SPTBN1: variants seen among roughly 807,000 people sequenced by gnomAD.
SPTBN1 encodes the protein spectrin beta chain, non-erythrocytic 1.
SPTBN1 carries 32 observed loss-of-function variants against 266.4 expected under a neutral mutation model. The ratio of observed to expected loss-of-function variants is 0.12; its 90% CI spans 0.09 to 0.16. The LOEUF is 0.16. Ranked by LOEUF, SPTBN1 falls within the 10% of genes least tolerant of loss-of-function variation. The probability of loss-of-function intolerance (pLI) is 1.00; values close to 1 mark genes in which losing one functional copy is unlikely to be tolerated. For synonymous variants in SPTBN1, 1,336 were observed against 1,162.2 expected, an observed-to-expected ratio of 1.15 and a Z score of -3.04; for missense variants, 2,296 against 3,067.1, an observed-to-expected ratio of 0.75 and a Z score of 5.94.
intron 2 of SPTBN1, among the ~76,000 whole-genome samples, chr2:54,596,742 A>G (rs1454316874): frequency 1.3e-5 from 2 of 152,160 alleles, no homozygotes; most frequent in Non-Finnish European, 2.9e-5. Context: ...TCTAAGAACC[A>G]TGATAGCCCT....
intron 2 of SPTBN1, among the ~76,000 whole-genome samples, chr2:54,562,696 TTGTGTGTGTGTGTG>T (rs55947327): frequency 8.2e-5 from 10 of 122,596 alleles, no homozygotes; most frequent in African/African-American, 2.5e-4. Context: ...AAACCCTGCT[TTGTGTGTGTGTGTG>T]TGTGTGTGTG....
At position 54,670,928 on chromosome 2, in the gene SPTBN1, C is replaced by T. The variant is rs972048048; in HGVS notation, c.*2359C>T. ...CCGCACAGCCTGATGAGCTTCAAGC[C>T]TGGCAGGGTAAATAGTTTTTGGGTT... On this transcript the variant is annotated 3_prime_UTR_variant, in exon 36 of 36. Coordinates refer to ENST00000356805, the MANE Select transcript of SPTBN1 (RefSeq NM_003128.3). 2.0e-5 allele frequency: 8 copies of T among 397,728 alleles called. No homozygotes were observed. The East Asian group carries it at 2.1e-4, about 11-fold the overall frequency. The allele number at this position is 397,728 out of a possible 1,614,324, so 24.6% of individuals were successfully genotyped here.
chr2:54,491,136 A>G (rs1668663860), intron 1 of SPTBN1, among the ~76,000 whole-genome samples: 1 of 152,210 alleles, frequency 6.6e-6, no homozygotes. Flanking sequence ...AGAAACTCTA[A>G]GGGACCTTAC....
intron 1 of SPTBN1, among the ~76,000 whole-genome samples, chr2:54,496,771 A>T (rs1300245501): frequency 1.3e-5 from 2 of 152,238 alleles, no homozygotes; most frequent in African/African-American, 4.8e-5. Flanking sequence ...TGATTAAGGT[A>T]GAAGGAAACA....
intron 2 of SPTBN1, among the ~76,000 whole-genome samples, chr2:54,557,240 G>C (rs1672935545): frequency 6.6e-6 from 1 of 152,188 alleles, no homozygotes; most frequent in Admixed American, 6.5e-5. Context: ...CCTGGGGACT[G>C]AGGTGAACCT....
intron 10 of SPTBN1, among the ~76,000 whole-genome samples, chr2:54,623,886 A>G (rs1010842904): frequency 6.6e-6 from 1 of 152,240 alleles, no homozygotes; most frequent in Non-Finnish European, 1.5e-5. Flanking sequence ...ATCTGAGGCA[A>G]TTGTTTCAAA....
At chr2:54,667,912 T>C (rs534393484) in intron 35 of SPTBN1, among the ~76,000 whole-genome samples, 2 of 152,132 alleles carry the variant, frequency 1.3e-5, no homozygotes. Context: ...CATAGTGAGG[T>C]GGTCCCAGGA....
intron 17 of SPTBN1, among the ~76,000 whole-genome samples, chr2:54,635,849 T>C (rs184193987): frequency 7.1e-4 from 108 of 152,374 alleles, no homozygotes; most frequent in African/African-American, 2.5e-3. Flanking sequence ...AGAACTGGAA[T>C]TTGAGGGAAG....
intron 1 of SPTBN1, among the ~76,000 whole-genome samples, chr2:54,498,978 A>T (rs1054667720): frequency 6.7e-6 from 1 of 148,524 alleles, no homozygotes; most frequent in Non-Finnish European, 1.5e-5. Flanking sequence ...GAAACCCAGG[A>T]GACTTTGCAT....
At chr2:54,486,248 G>T (rs906363050) in intron 1 of SPTBN1, among the ~76,000 whole-genome samples, 13 of 152,178 alleles carry the variant, frequency 8.5e-5, no homozygotes, top group East Asian at 1.9e-4. Context: ...GAACGGGCCA[G>T]GATGACAATG....
At chr2:54,490,208 A>T (rs1384650939) in intron 1 of SPTBN1, among the ~76,000 whole-genome samples, 1 of 150,980 alleles carries the variant, frequency 6.6e-6, no homozygotes. Flanking sequence ...AGTAGCTGGG[A>T]TTACAGCTGC....
At chr2:54,616,338 A>C in intron 5 of SPTBN1, 40 bp downstream of exon 5, 1 of 1,568,834 alleles carries the variant, frequency 6.4e-7, no homozygotes. Context: ...TGCTTCTTCC[A>C]GGACTGAATT....
chr2:54,531,685 C>T (rs1359499723), intron 2 of SPTBN1, among the ~76,000 whole-genome samples: 2 of 151,872 alleles, frequency 1.3e-5, no homozygotes, highest in Admixed American at 6.6e-5. Context: ...AATGAATCGG[C>T]CAGCAATCAG....
Position 54,649,683 on chromosome 2 carries a change from G to A in SPTBN1, c.5271G>A (p.Thr1757=), listed in dbSNP as rs34367340. 313 of 1,613,944 alleles carry A rather than the reference G, an allele frequency of 1.9e-4. No individual in the cohort carries two copies. Among genetic ancestry groups the A allele is most frequent in the Admixed American group, 8.8e-4 (53 of 59,988 alleles). Reference sequence around the variant, plus strand: ...ACATTGGGCAGGAGCGCGTGGACACGGTCAATCACCTGGCAGATGAGCTCA... The same window carrying A: ...ACATTGGGCAGGAGCGCGTGGACACAGTCAATCACCTGGCAGATGAGCTCA... The part of the protein sequence containing the change: ...TGNIGQERVD[T]VNHLADELIN... Residue 1757 remains threonine (T), a synonymous_variant, in exon 26 of 36, where the codon ACG becomes ACA. Transcript: ENST00000356805. The surrounding 1 kb of genome is among the most constrained non-coding windows in gnomAD (Gnocchi z 6.7).
At chr2:54,593,080 T>G (rs1386402300) in intron 2 of SPTBN1, among the ~76,000 whole-genome samples, 1 of 152,180 alleles carries the variant, frequency 6.6e-6, no homozygotes, top group Non-Finnish European at 1.5e-5. Context: ...CCCTTATAAT[T>G]TACTCCTTCT....
At chr2:54,567,198 C>T (rs573844078) in intron 2 of SPTBN1, among the ~76,000 whole-genome samples, 1 of 152,084 alleles carries the variant, frequency 6.6e-6, no homozygotes, top group South Asian at 2.1e-4. Context: ...TGTGCAGGTT[C>T]AGGGTTACTG....
At chr2:54,460,284 G>A (rs1693292130) in intron 1 of SPTBN1, among the ~76,000 whole-genome samples, 1 of 152,180 alleles carries the variant, frequency 6.6e-6, no homozygotes, top group Non-Finnish European at 1.5e-5. Flanking sequence ...TTTTGCTGAA[G>A]TATCAGCACA....
At chr2:54,503,571 C>G (rs925871120) in intron 1 of SPTBN1, among the ~76,000 whole-genome samples, 2 of 152,172 alleles carry the variant, frequency 1.3e-5, no homozygotes, top group South Asian at 4.1e-4. Flanking sequence ...AGCATGAAAG[C>G]GACCATCCTT....
chr2:54,512,285 C>G (rs1669897763), intron 1 of SPTBN1, among the ~76,000 whole-genome samples: 1 of 152,146 alleles, frequency 6.6e-6, no homozygotes, highest in South Asian at 2.1e-4. Context: ...CTCTTCCTTT[C>G]AAGTATCATA....
Sources: gnomAD v4.1 joint callset for allele counts (sites outside exome capture counted in the v4.1 genomes callset) on GRCh38, gnomAD v4.1.1 for gene constraint, Gnocchi (gnomAD v3.1) non-coding constraint, MANE v1.5 for transcripts, NCBI Gene and HGNC (gene_info 2026-07-23, HGNC 2026-07-21) for gene names.